Variants in COL15A1 observed in about 807,000 individuals in gnomAD.
COL15A1 encodes the protein collagen alpha-1(XV) chain.
In COL15A1, 111 loss-of-function variants were observed where a neutral mutation model predicts 165.9. The observed-to-expected ratio is 0.67, with a 90% CI of 0.57 to 0.78. COL15A1 has a LOEUF of 0.78. Ranked by LOEUF, COL15A1 falls within the 30% of genes least tolerant of loss-of-function variation. The pLI is 0.00. For synonymous variants in COL15A1, 659 were observed against 674.8 expected (o/e 0.98, Z 0.36); for missense variants, 1,745 against 1,789.7 (o/e 0.98, Z 0.45).
intron 2 of COL15A1, among the ~76,000 whole-genome samples, chr9:98,949,684 G>T (rs2118749294): frequency 6.6e-6 from 1 of 152,164 alleles, no homozygotes; most frequent in South Asian, 2.1e-4. Flanking sequence ...TTTTTATTGA[G>T]GTGAAATTTA....
chr9:99,059,296 G>A (rs893773366), intron 35 of COL15A1, among the ~76,000 whole-genome samples: 1 of 152,196 alleles, frequency 6.6e-6, no homozygotes, highest in African/African-American at 2.4e-5. Flanking sequence ...CCGCAGCCCA[G>A]GGAAGAAGAA....
In COL15A1 at chr9:99,006,962, C is replaced by T. The variant is rs145094616; in HGVS notation, c.1353+1912C>T. 8.3e-4 allele frequency among the ~76,000 whole-genome samples: 126 copies of T among 152,300 alleles called. 4 individuals are homozygous for T. The East Asian group carries it at 0.022, about 27-fold the overall frequency. ...ACCTGTGACACAGCCTCAGGAGGTC[C>T]TGACAACATGTGCCCAAGGTGGTTG... On this transcript the variant is annotated intron_variant, in intron 9 of 41. Transcript: ENST00000375001.
At chr9:98,953,603 G>GGGT (rs1415390354) in intron 2 of COL15A1, among the ~76,000 whole-genome samples, 1 of 152,172 alleles carries the variant, frequency 6.6e-6, no homozygotes, top group Non-Finnish European at 1.5e-5. Flanking sequence ...TGCATACCAT[G>GGGT]GGTGGTTTAA....
chr9:98,979,225 C>G (rs1185292194), intron 2 of COL15A1, among the ~76,000 whole-genome samples: 1 of 152,146 alleles, frequency 6.6e-6, no homozygotes, highest in Non-Finnish European at 1.5e-5. Flanking sequence ...TTAAAAAATT[C>G]ATAGACGTAT....
At chr9:99,002,524 A>G (rs901255299) in intron 7 of COL15A1, among the ~76,000 whole-genome samples, 2 of 152,216 alleles carry the variant, frequency 1.3e-5, no homozygotes, top group Admixed American at 1.3e-4. Context: ...GGAGATGGGC[A>G]GGAGCTGGTA....
At position 99,024,872 on chromosome 9, in the gene COL15A1, A is replaced by T; in HGVS notation, c.1855-2A>T. The T allele has an allele frequency of 6.2e-7, 1 of 1,611,956 alleles. No homozygotes were observed. Among genetic ancestry groups the T allele is most frequent in the Non-Finnish European group, 8.5e-7 (1 of 1,179,220 alleles). ...TTTCTAACAGAGTCTTTGTGTTTTT[A>T]GGGTCCTCCAGGACCCCCAGGGCCA... On this transcript the variant is annotated splice_acceptor_variant, in intron 14 of 41. Transcript: ENST00000375001. LOFTEE classifies it high-confidence loss of function.
At chr9:99,048,074 G>A (rs1363415978) in intron 28 of COL15A1, 74 bp downstream of exon 28, 2 of 818,240 alleles carry the variant, frequency 2.4e-6, no homozygotes, top group East Asian at 2.7e-5. Context: ...CACAGAGCAG[G>A]GCCTGTGGAC....
At chr9:99,025,832 CT>C in intron 15 of COL15A1, 71 bp from the exon 16 acceptor site, 1 of 1,530,706 alleles carries the variant, frequency 6.5e-7, no homozygotes, top group South Asian at 1.2e-5. Context: ...CCCTGCCCTC[CT>C]TTTCTAGCAA....
At chr9:99,052,870 G>A (rs774694607) in intron 31 of COL15A1, among the ~76,000 whole-genome samples, 21 of 152,192 alleles carry the variant, frequency 1.4e-4, no homozygotes, top group East Asian at 1.9e-4. Flanking sequence ...GGGAAGGGCC[G>A]TGGGAGCTCA....
chr9:99,058,045 A>T (rs1443695442), intron 35 of COL15A1, among the ~76,000 whole-genome samples: 1 of 152,046 alleles, frequency 6.6e-6, no homozygotes, highest in Non-Finnish European at 1.5e-5. Context: ...AGAGCCAGGG[A>T]CTCAACCCCT....
At position 98,985,545 on chromosome 9, in the gene COL15A1, CT is replaced by C; in HGVS notation, c.101-19del. 1 of 1,596,700 alleles carries C rather than the reference CT, an allele frequency of 6.3e-7. No homozygotes were observed. Among genetic ancestry groups the C allele is most frequent in the Non-Finnish European group, 8.6e-7 (1 of 1,168,458 alleles). ...GTGGAATATACCTGTAAAGCGTGGC[CT>C]CTCTCTCCCTCCCTGCAGAGACTGC... On this transcript the variant is annotated intron_variant, in intron 2 of 41. Transcript: ENST00000375001.
Position 99,062,005 on chromosome 9 carries a change from A to G in COL15A1, c.3437A>G (p.Gln1146Arg). 1.2e-6 allele frequency: 2 copies of G among 1,613,940 alleles called. No homozygotes were observed. Among genetic ancestry groups the G allele is most frequent in the Non-Finnish European group, 1.7e-6 (2 of 1,179,922 alleles). Residue 1146 changes from glutamine to arginine, a missense_variant, in exon 37 of 42, where the codon CAG becomes CGG. Transcript: ENST00000375001. Reference sequence around the variant, plus strand: ...TTCAGCAACATGGATGACATGCTGCAGAAAGCGCATTTGGTTATAGAAGGA... The same window carrying G: ...TTCAGCAACATGGATGACATGCTGCGGAAAGCGCATTTGGTTATAGAAGGA... ...TAFSNMDDML[Q>R]KAHLVIEGTF...
intron 15 of COL15A1, among the ~76,000 whole-genome samples, chr9:99,025,480 G>T (rs1051757565): frequency 6.6e-6 from 1 of 152,190 alleles, no homozygotes; most frequent in Non-Finnish European, 1.5e-5. Flanking sequence ...TAGATTAGGT[G>T]TATTAAATGC....
At chr9:99,058,584 C>T (rs1186355236) in intron 35 of COL15A1, among the ~76,000 whole-genome samples, 1 of 152,190 alleles carries the variant, frequency 6.6e-6, no homozygotes. Flanking sequence ...CTGCATTGAG[C>T]AAGGATTGCT....
At chr9:98,962,340 C>G (rs904606055) in intron 2 of COL15A1, among the ~76,000 whole-genome samples, 1 of 152,142 alleles carries the variant, frequency 6.6e-6, no homozygotes, top group African/African-American at 2.4e-5. Flanking sequence ...CTCTCCTGTC[C>G]AAGCCATTCC....
intron 2 of COL15A1, among the ~76,000 whole-genome samples, chr9:98,970,973 A>G (rs1838039804): frequency 6.6e-6 from 1 of 151,976 alleles, no homozygotes; most frequent in Non-Finnish European, 1.5e-5. Context: ...TGTATGAGAG[A>G]GTGGTAAGAA....
chr9:99,047,453 A>C (rs1204046245), intron 26 of COL15A1, among the ~76,000 whole-genome samples: 2 of 152,216 alleles, frequency 1.3e-5, no homozygotes, highest in African/African-American at 4.8e-5. Flanking sequence ...GGGCTGGCCC[A>C]GCACCTGGCT....
chr9:99,048,175 G>A (rs994490174), intron 28 of COL15A1, among the ~76,000 whole-genome samples, 175 bp downstream of exon 28: 2 of 152,248 alleles, frequency 1.3e-5, no homozygotes, highest in East Asian at 1.9e-4. Flanking sequence ...TCTCAGGAGG[G>A]TCCTGCCACC....
At chr9:98,956,131 T>C (rs1837771648) in intron 2 of COL15A1, among the ~76,000 whole-genome samples, 1 of 152,100 alleles carries the variant, frequency 6.6e-6, no homozygotes, top group Non-Finnish European at 1.5e-5. Flanking sequence ...CATGACAAAA[T>C]CTTGCCTTTA....
Sources: gnomAD v4.1 joint callset for allele counts (sites outside exome capture counted in the v4.1 genomes callset) on GRCh38, gnomAD v4.1.1 for gene constraint, MANE v1.5 for transcripts, NCBI Gene and HGNC (gene_info 2026-07-23, HGNC 2026-07-21) for gene names.